Variants in ERFL observed in about 807,000 individuals in gnomAD.
ERFL encodes the protein ETS domain-containing transcription factor ERF-like.
A neutral mutation model predicts 27.9 loss-of-function variants in ERFL; 8 were observed. That is an observed-to-expected ratio of 0.29 (90% CI 0.17 to 0.52). The LOEUF (loss-of-function observed/expected upper bound fraction) is 0.52. Ranked by LOEUF, ERFL falls within the 20% of genes least tolerant of loss-of-function variation. The pLI is 0.97. For synonymous variants in ERFL, 174 were observed against 202.8 expected (o/e 0.86, Z 1.21); for missense variants, 294 against 444.4 (o/e 0.66, Z 3.04).
chr19:41,921,475 T>C lies in ERFL; in HGVS notation c.-14+6565A>G, dbSNP rs376193884. Among the ~76,000 whole-genome samples the C allele has an allele frequency of 1.2e-4, 18 of 151,838 alleles. No homozygotes were observed. The highest frequency in any genetic ancestry group is 2.1e-4 in the South Asian group (1 of 4,792). The stretch of plus-strand genomic sequence containing the variant: ...AACAGGAAGCAGACTGGGAGCCACA[T>C]GCACACGCAGAGAGAAGAGAGAGAC... On this transcript the variant is annotated intron_variant, in intron 1 of 5. Transcript: ENST00000597630. The surrounding 1 kb of genome is among the most constrained non-coding windows in gnomAD (Gnocchi z 4.4).
At chr19:41,912,120 G>T in intron 2 of ERFL, among the ~76,000 whole-genome samples, 1 of 152,184 alleles carries the variant, frequency 6.6e-6, no homozygotes, top group East Asian at 1.9e-4. Flanking sequence ...CCCAAAATGC[G>T]GACACGCCCA....
chr19:41,910,333 A>G lies in ERFL; in HGVS notation c.68-236T>C, dbSNP rs1479241882. 5.3e-5 allele frequency among the ~76,000 whole-genome samples: 8 copies of G among 151,966 alleles called. No homozygotes were observed. Among genetic ancestry groups the G allele is most frequent in the African/African-American group, 1.9e-4 (8 of 41,362 alleles). On this transcript the variant is annotated intron_variant, in intron 2 of 5. Coordinates refer to ENST00000597630, the MANE Select transcript of ERFL (RefSeq NM_001365103.2). This position sits in a 1 kb window ranked among gnomAD's most constrained non-coding sequence, Gnocchi z 4.4. The stretch of plus-strand genomic sequence containing the variant: ...TGGGTTGGTACCAGTCTGATCCCCT[A>G]CCTTGGCATAGCTCCCCCAGGCTCA...
intron 1 of ERFL, among the ~76,000 whole-genome samples, chr19:41,920,715 A>G (rs1051126375): frequency 6.6e-6 from 1 of 152,246 alleles, no homozygotes. Flanking sequence ...GCACATGCGC[A>G]CACACACACT....
chr19:41,927,543 C>T (rs2074878799), intron 1 of ERFL, among the ~76,000 whole-genome samples: 1 of 152,142 alleles, frequency 6.6e-6, no homozygotes, highest in Non-Finnish European at 1.5e-5. Context: ...AGTCAGCTCC[C>T]AACCTCAGAT....
intron 2 of ERFL, among the ~76,000 whole-genome samples, chr19:41,911,185 G>T (rs2074749377): frequency 6.6e-6 from 1 of 152,124 alleles, no homozygotes; most frequent in African/African-American, 2.4e-5. Context: ...CATGCAGAGG[G>T]GAGTACTCCA....
Position 41,916,395 on chromosome 19 carries a change from TCA to T in ERFL, c.-13-3465_-13-3464del, listed in dbSNP as rs1254002355. ...CACACAGATGCATGTGTCAGTAAAG[TCA>T]CACACCAACACTGTCACAGTCACAC... On this transcript the variant is annotated intron_variant, in intron 1 of 5. Transcript: ENST00000597630. The surrounding 1 kb of genome is among the most constrained non-coding windows in gnomAD (Gnocchi z 5.4). Among the ~76,000 whole-genome samples the T allele has an allele frequency of 6.6e-6, 1 of 151,448 alleles. No individual in the cohort carries two copies. Among genetic ancestry groups the T allele is most frequent in the African/African-American group, 2.4e-5 (1 of 41,132 alleles).
chr19:41,927,503 T>C (rs1307885856), intron 1 of ERFL, among the ~76,000 whole-genome samples: 1 of 151,864 alleles, frequency 6.6e-6, no homozygotes, highest in Non-Finnish European at 1.5e-5. Context: ...GTCCCAGATA[T>C]CCACACCCCC....
At chr19:41,914,354 T>C (rs1490560760) in intron 1 of ERFL, among the ~76,000 whole-genome samples, 1 of 149,122 alleles carries the variant, frequency 6.7e-6, no homozygotes, top group African/African-American at 2.5e-5. Flanking sequence ...TCTGTCTCTC[T>C]CCTCCACCAA....
chr19:41,921,278 T>C lies in ERFL; in HGVS notation c.-14+6762A>G, dbSNP rs2074840826. Among the ~76,000 whole-genome samples the C allele has an allele frequency of 6.6e-6, 1 of 150,716 alleles. No homozygotes were observed. The highest frequency in any genetic ancestry group is 1.5e-5 in the Non-Finnish European group (1 of 67,718). On this transcript the variant is annotated intron_variant, in intron 1 of 5. Transcript: ENST00000597630. The surrounding 1 kb of genome is among the most constrained non-coding windows in gnomAD (Gnocchi z 4.4). Reference sequence around the variant, plus strand: ...TGGGGGGCACAGAGAAGGGGAGACATGCAGGGAGGAAGAGAGACCGAGGGG... The same window carrying C: ...TGGGGGGCACAGAGAAGGGGAGACACGCAGGGAGGAAGAGAGACCGAGGGG...
chr19:41,917,530 A>T lies in ERFL; in HGVS notation c.-13-4598T>A, dbSNP rs2074809134. Reference sequence around the variant, plus strand: ...ATCTGCACAATCGGAATGAAAATTGATTTTTTTTTTAAATTTCATATCTTC... The same window carrying T: ...ATCTGCACAATCGGAATGAAAATTGTTTTTTTTTTTAAATTTCATATCTTC... On this transcript the variant is annotated intron_variant, in intron 1 of 5. Transcript: ENST00000597630. This position sits in a 1 kb window ranked among gnomAD's most constrained non-coding sequence, Gnocchi z 4.8. Among the ~76,000 whole-genome samples, 1 of 138,428 alleles carries T rather than the reference A, an allele frequency of 7.2e-6. No individual in the cohort carries two copies. Among genetic ancestry groups the T allele is most frequent in the Non-Finnish European group, 1.5e-5 (1 of 64,748 alleles). The allele number at this position is 138,428 out of a possible 152,430, so 90.8% of individuals were successfully genotyped here.
rs2074742093 is a variant in ERFL, at chr19:41,909,780, C to G, written c.302+83G>C. On this transcript the variant is annotated intron_variant, in intron 3 of 5. Coordinates refer to ENST00000597630, the MANE Select transcript of ERFL (RefSeq NM_001365103.2). The surrounding 1 kb of genome is among the most constrained non-coding windows in gnomAD (Gnocchi z 5.2). ...GTGCCTTGTGGGATCCAGCAGGAAC[C>G]TGCCCCAGGATGCAGAGGGGGCACC... is the stretch of plus-strand genomic sequence containing the variant. 2 of 1,414,432 alleles carry G rather than the reference C, an allele frequency of 1.4e-6. No homozygotes were observed. Among genetic ancestry groups the G allele is most frequent in the Non-Finnish European group, 1.9e-6 (2 of 1,052,550 alleles). 87.6% of individuals were successfully genotyped at this position (1,414,432 alleles called of 1,614,324 possible).
At chr19:41,918,903 C>T (rs975682157) in intron 1 of ERFL, among the ~76,000 whole-genome samples, 27 of 151,040 alleles carry the variant, frequency 1.8e-4, no homozygotes, top group Admixed American at 1.7e-3. Flanking sequence ...CTACCCATTA[C>T]ACACATACAC....
In ERFL at chr19:41,909,827, G is replaced by A; in HGVS notation, c.302+36C>T. 2 of 1,553,318 alleles carry A rather than the reference G, an allele frequency of 1.3e-6. No individual in the cohort carries two copies. Among genetic ancestry groups the A allele is most frequent in the South Asian group, 1.2e-5 (1 of 81,688 alleles). ...CACCAGAGGGACAGTTGGGGGAAAA[G>A]GACAAGGTGGGATCCAGCCCCAAGC... On this transcript the variant is annotated intron_variant, in intron 3 of 5. Coordinates refer to ENST00000597630, the MANE Select transcript of ERFL (RefSeq NM_001365103.2). This position sits in a 1 kb window ranked among gnomAD's most constrained non-coding sequence, Gnocchi z 5.2.
intron 1 of ERFL, among the ~76,000 whole-genome samples, chr19:41,927,682 C>T (rs1315235311): frequency 6.6e-6 from 1 of 152,132 alleles, no homozygotes; most frequent in Admixed American, 6.5e-5. Context: ...ACTCCTCAGC[C>T]CCAAACATCC....
intron 1 of ERFL, among the ~76,000 whole-genome samples, chr19:41,922,671 G>C (rs1386831260): frequency 6.6e-6 from 1 of 152,030 alleles, no homozygotes; most frequent in Admixed American, 6.5e-5. Flanking sequence ...GCCTGGGTGG[G>C]CTGAGGCTGG....
Position 41,917,588 on chromosome 19 carries a change from G to C in ERFL, c.-13-4656C>G, listed in dbSNP as rs1427256031. On this transcript the variant is annotated intron_variant, in intron 1 of 5. Coordinates refer to ENST00000597630, the MANE Select transcript of ERFL (RefSeq NM_001365103.2). This position sits in a 1 kb window ranked among gnomAD's most constrained non-coding sequence, Gnocchi z 4.8. ...CTCTGTCTAAAGAGGAGAGAGACGC[G>C]GCCTAAGACCCTTCTGCCACCGCCG... Among the ~76,000 whole-genome samples the C allele has an allele frequency of 2.0e-5, 3 of 151,432 alleles. No individual in the cohort carries two copies. The East Asian group carries it at 5.8e-4, about 29-fold the overall frequency.
Position 41,908,402 on chromosome 19 carries a change from AGGGGCCGCTGCCAGGCCCGAGGGGCGCTC to A in ERFL, c.862_890del (p.Glu288SerfsTer35). 1 of 1,231,148 alleles carries A rather than the reference AGGGGCCGCTGCCAGGCCCGAGGGGCGCTC, an allele frequency of 8.1e-7. No homozygotes were observed. Among genetic ancestry groups the A allele is most frequent in the Admixed American group, 4.2e-5 (1 of 23,704 alleles). 76.3% of individuals were successfully genotyped at this position (1,231,148 alleles called of 1,614,324 possible). A position where few individuals can be genotyped will look rare whatever the true frequency, so the allele number is the denominator to read the frequency against. ...CCCCAGCCCCTGGCAGCGCCAGGCG[AGGGGCCGCTGCCAGGCCCGAGGGGCGCTC>A]GGGGCCCAGGCCCTCCCCTGTCGAG... On this transcript the variant is annotated frameshift_variant, in exon 6 of 6. Transcript: ENST00000597630. LOFTEE classifies it high-confidence loss of function. The surrounding 1 kb of genome is among the most constrained non-coding windows in gnomAD (Gnocchi z 6.7).
Position 41,916,634 on chromosome 19 carries a change from C to T in ERFL, c.-13-3702G>A, listed in dbSNP as rs185387723. On this transcript the variant is annotated intron_variant, in intron 1 of 5. Transcript: ENST00000597630. The surrounding 1 kb of genome is among the most constrained non-coding windows in gnomAD (Gnocchi z 5.4). ...AGCACACAATCGCACACTGAGACAA[C>T]AGCACACAGAAACAGACACACAGTC... Among the ~76,000 whole-genome samples, 12 of 152,234 alleles carry T rather than the reference C, an allele frequency of 7.9e-5. No homozygotes were observed. Among genetic ancestry groups the T allele is most frequent in the African/African-American group, 2.9e-4 (12 of 41,522 alleles).
At position 41,922,218 on chromosome 19, in the gene ERFL, C is replaced by T. The variant is rs527830002; in HGVS notation, c.-14+5822G>A. The stretch of plus-strand genomic sequence containing the variant: ...AGGGCTCAGGCATCCCGACAGAGCC[C>T]GGGGCTTGGCACCAAGAGTGTACTG... On this transcript the variant is annotated intron_variant, in intron 1 of 5. Transcript: ENST00000597630. 1.7e-4 allele frequency among the ~76,000 whole-genome samples: 26 copies of T among 152,150 alleles called. No homozygotes were observed. In the South Asian group the frequency reaches 5.2e-3, roughly 30 times the overall value.
Sources: allele counts gnomAD v4.1 joint callset (sites outside exome capture counted in the v4.1 genomes callset), GRCh38; gene constraint gnomAD v4.1.1; non-coding constraint Gnocchi (gnomAD v3.1); transcripts MANE v1.5; gene names NCBI Gene and HGNC (gene_info 2026-07-23, HGNC 2026-07-21).